SCAPER: variants seen among roughly 807,000 people sequenced by gnomAD.
SCAPER encodes the protein S-phase cyclin A associated protein in the ER, also known as S phase cyclin A-associated protein in the endoplasmic reticulum.
Under a neutral mutation model 182.2 loss-of-function variants are expected in SCAPER, and 98 were observed. The observed-to-expected ratio is 0.54, with a 90% CI of 0.46 to 0.64. The LOEUF is 0.64. Ranked by LOEUF, SCAPER falls within the 30% of genes least tolerant of loss-of-function variation. The probability of loss-of-function intolerance (pLI) is 0.00; values close to 1 mark genes in which losing one functional copy is unlikely to be tolerated. For missense variants in SCAPER, 1,432 were observed against 1,690.0 expected (o/e 0.85, Z 2.68); for synonymous variants, 605 against 564.6 (o/e 1.07, Z -1.01).
intron 24 of SCAPER, among the ~76,000 whole-genome samples, chr15:76,475,333 A>T (rs1038703944): frequency 6.7e-6 from 1 of 149,156 alleles, no homozygotes; most frequent in South Asian, 2.1e-4. Context: ...CTAGCCTTTA[A>T]TTTTTTTTTT....
At chr15:76,727,024 A>G (rs1390923174) in intron 17 of SCAPER, among the ~76,000 whole-genome samples, 1 of 150,630 alleles carries the variant, frequency 6.6e-6, no homozygotes, top group East Asian at 2.0e-4. Context: ...TTTTTGCCAC[A>G]ATAGAAAAGC....
At chr15:76,531,756 G>A (rs918751448) in intron 23 of SCAPER, among the ~76,000 whole-genome samples, 2 of 151,986 alleles carry the variant, frequency 1.3e-5, no homozygotes, top group South Asian at 2.1e-4. Context: ...AGTGTCTTCC[G>A]ACTCTGAGTA....
chr15:76,461,976 A>G (rs1292042935), intron 25 of SCAPER, among the ~76,000 whole-genome samples: 2 of 152,222 alleles, frequency 1.3e-5, no homozygotes, highest in African/African-American at 4.8e-5. Context: ...GAGTTGTCTC[A>G]TACATGTACA....
At chr15:76,900,192 C>G (rs868443562) in intron 1 of SCAPER, among the ~76,000 whole-genome samples, 1 of 152,018 alleles carries the variant, frequency 6.6e-6, no homozygotes, top group South Asian at 2.1e-4. Context: ...CCCAGGGACA[C>G]AAACAGGGCC....
At chr15:76,703,917 C>T (rs1292874815) in intron 18 of SCAPER, among the ~76,000 whole-genome samples, 4 of 152,076 alleles carry the variant, frequency 2.6e-5, no homozygotes, top group Non-Finnish European at 4.4e-5. Context: ...TAGTAAAATA[C>T]AGTCTTCTAC....
At chr15:76,760,937 T>G (rs551952691) in intron 14 of SCAPER, among the ~76,000 whole-genome samples, 1 of 152,238 alleles carries the variant, frequency 6.6e-6, no homozygotes, top group Non-Finnish European at 1.5e-5. Flanking sequence ...AGGTTGGTAC[T>G]ACTTCTCCTT....
chr15:76,432,901 T>C (rs1352179878), intron 26 of SCAPER, among the ~76,000 whole-genome samples: 1 of 152,212 alleles, frequency 6.6e-6, no homozygotes. Flanking sequence ...TTTCCTCACC[T>C]ACAAAGCTTA....
intron 20 of SCAPER, among the ~76,000 whole-genome samples, chr15:76,696,569 A>C (rs1217314662): frequency 6.6e-6 from 1 of 151,890 alleles, no homozygotes; most frequent in East Asian, 1.9e-4. Context: ...AAACATAGAA[A>C]TATATTGATT....
chr15:76,812,586 A>T (rs2066720159), intron 5 of SCAPER, among the ~76,000 whole-genome samples: 1 of 152,086 alleles, frequency 6.6e-6, no homozygotes, highest in Non-Finnish European at 1.5e-5. Context: ...TGAAAAAAAG[A>T]GATGACTCAT....
chr15:76,431,388 A>G (rs893401494), intron 26 of SCAPER, among the ~76,000 whole-genome samples: 2 of 152,224 alleles, frequency 1.3e-5, no homozygotes, highest in Admixed American at 6.5e-5. Context: ...CAGAAACTTG[A>G]CTGAAACAAA....
chr15:76,497,739 T>C (rs1180948086), intron 24 of SCAPER, among the ~76,000 whole-genome samples: 1 of 151,888 alleles, frequency 6.6e-6, no homozygotes, highest in African/African-American at 2.4e-5. Context: ...ATGCCTGTAA[T>C]CCCAGCACTT....
chr15:76,768,216 AT>A (rs1349842916), intron 10 of SCAPER, among the ~76,000 whole-genome samples: 1 of 152,192 alleles, frequency 6.6e-6, no homozygotes, highest in African/African-American at 2.4e-5. Flanking sequence ...TCCAGGAGAA[AT>A]AAAAAATGTG....
At chr15:76,368,407 A>C (rs1351380771) in intron 29 of SCAPER, among the ~76,000 whole-genome samples, 1 of 152,252 alleles carries the variant, frequency 6.6e-6, no homozygotes, top group East Asian at 1.9e-4. Flanking sequence ...CGAGGTGAGT[A>C]CAACAGATTC....
At chr15:76,820,317 T>C (rs1161591924) in intron 5 of SCAPER, among the ~76,000 whole-genome samples, 2 of 151,958 alleles carry the variant, frequency 1.3e-5, no homozygotes, top group South Asian at 2.1e-4. Context: ...CTATTCACAA[T>C]AGCAAAGACT....
chr15:76,375,860 C>CTG (rs1456442696), intron 29 of SCAPER, among the ~76,000 whole-genome samples: 1 of 152,190 alleles, frequency 6.6e-6, no homozygotes, highest in East Asian at 1.9e-4. Flanking sequence ...TGGCGGTTGC[C>CTG]TGTAATCCCA....
intron 6 of SCAPER, among the ~76,000 whole-genome samples, chr15:76,803,644 T>C (rs1384121530): frequency 1.3e-5 from 2 of 152,234 alleles, no homozygotes; most frequent in Non-Finnish European, 2.9e-5. Context: ...TGAGCCCTGT[T>C]CCTTATAAAG....
chr15:76,771,709 A>G (rs1197770265), intron 10 of SCAPER, 33 bp downstream of exon 10: 3 of 1,515,448 alleles, frequency 2.0e-6, no homozygotes, highest in Non-Finnish European at 2.7e-6. Flanking sequence ...CAGAATTCTG[A>G]TAAGTTGTTC....
chr15:76,723,405 G>C (rs187490457), intron 17 of SCAPER, among the ~76,000 whole-genome samples: 2 of 152,052 alleles, frequency 1.3e-5, no homozygotes, highest in Admixed American at 6.6e-5. Context: ...AATGTATATT[G>C]TGTTGATTTG....
chr15:76,434,596 T>C (rs1035903261), intron 25 of SCAPER, among the ~76,000 whole-genome samples: 2 of 152,220 alleles, frequency 1.3e-5, no homozygotes, highest in African/African-American at 2.4e-5. Context: ...AGCTGATACA[T>C]ATAAAATGCT....
Sources: allele counts gnomAD v4.1 joint callset (sites outside exome capture counted in the v4.1 genomes callset), GRCh38; gene constraint gnomAD v4.1.1; transcripts MANE v1.5; gene names NCBI Gene and HGNC (gene_info 2026-07-23, HGNC 2026-07-21).